The following TCN2 variants were observed in gnomAD, a reference collection of about 807,000 sequenced individuals.
TCN2 encodes transcobalamin-2.
In TCN2, 34 loss-of-function variants were observed where a neutral mutation model predicts 48.6. The ratio of observed to expected loss-of-function variants is 0.70; its 90% CI spans 0.53 to 0.93. TCN2 has a LOEUF of 0.93. TCN2 is among the 40% of genes least tolerant of loss of function. The pLI is 0.00. For missense variants in TCN2, 652 were observed against 526.1 expected (o/e 1.24, Z -2.34); for synonymous variants, 283 against 212.5 (o/e 1.33, Z -2.89).
At position 30,615,428 on chromosome 22, in the gene TCN2, C is replaced by T. The variant is rs762630641; in HGVS notation, c.708C>T (p.Pro236=). 62 of 1,614,040 alleles carry T rather than the reference C, an allele frequency of 3.8e-5. No individual in the cohort carries two copies. Among genetic ancestry groups the T allele is most frequent in the South Asian group, 7.7e-5 (7 of 91,076 alleles). The change falls in exon 5 of 9, where the codon CCC becomes CCT. Residue 236 remains proline, a synonymous_variant. Coordinates refer to ENST00000215838, the MANE Select transcript of TCN2 (RefSeq NM_000355.4). The stretch of plus-strand genomic sequence containing the variant: ...AGGAGATCTTGAAGGCCCAGACCCC[C>T]GAGGGCCACTTTGGGAATGTCTACA... ...VREEILKAQT[P]EGHFGNVYST...
chr22:30,622,827 T>C, intron 7 of TCN2, 141 bp from the exon 8 acceptor site: 1 of 808,422 alleles, frequency 1.2e-6, no homozygotes, highest in South Asian at 1.4e-5. Context: ...CACAGACCTG[T>C]GGCCAGGTGG....
rs146450057 is a variant in TCN2, at chr22:30,626,730, G to C, written c.*209G>C. ...GCAGAGAGCCAAGCATCTTCCCTGG[G>C]AAGTCTTTCTGGCCAAGTCTGGCCA... On this transcript the variant is annotated 3_prime_UTR_variant, in exon 9 of 9. Transcript: ENST00000215838. 4.9e-3 allele frequency: 3,120 copies of C among 637,962 alleles called. 15 individuals are homozygous for C. The highest frequency in any genetic ancestry group is 0.012 in the Middle Eastern group (29 of 2,348). 39.5% of individuals were successfully genotyped at this position (637,962 alleles called of 1,614,324 possible). A position where few individuals can be genotyped will look rare whatever the true frequency, so the allele number is the denominator to read the frequency against.
chr22:30,614,240 A>G (rs1479071504), intron 3 of TCN2, 109 bp from the exon 4 acceptor site: 18 of 1,430,826 alleles, frequency 1.3e-5, no homozygotes, highest in Non-Finnish European at 1.7e-5. Context: ...GAAGGATCCC[A>G]TGACCCAAAA....
intron 2 of TCN2, among the ~76,000 whole-genome samples, chr22:30,612,644 G>C (rs2087558854): frequency 6.6e-6 from 1 of 152,194 alleles, no homozygotes; most frequent in African/African-American, 2.4e-5. Context: ...AGATGATCTG[G>C]ACACAGGAGC....
At chr22:30,609,162 T>C (rs1370247003) in intron 1 of TCN2, among the ~76,000 whole-genome samples, 7 of 151,652 alleles carry the variant, frequency 4.6e-5, no homozygotes, top group South Asian at 2.1e-4. Context: ...TCTTCTTCTT[T>C]TTTTTTTTTT....
chr22:30,612,226 CAGAG>C (rs561422076), intron 2 of TCN2, among the ~76,000 whole-genome samples: 81 of 151,342 alleles, frequency 5.4e-4, no homozygotes, highest in African/African-American at 1.1e-3. Context: ...GCCTGGGAGA[CAGAG>C]AGACCCTATC....
Position 30,615,436 on chromosome 22 carries a change from A to G in TCN2, c.716A>G (p.His239Arg), listed in dbSNP as rs1338313632. The G allele has an allele frequency of 1.2e-6, 2 of 1,614,202 alleles. No individual in the cohort carries two copies. Among genetic ancestry groups the G allele is most frequent in the Admixed American group, 1.7e-5 (1 of 60,020 alleles). The change falls in exon 5 of 9, where the codon CAC (histidine) becomes CGC (arginine). Residue 239 changes from histidine to arginine, a missense_variant. Physicochemically the swap from His to Arg is conservative, Grantham distance 29. Transcript: ENST00000215838. ...TTGAAGGCCCAGACCCCCGAGGGCC[A>G]CTTTGGGAATGTCTACAGCACCCCA... ...EILKAQTPEG[H>R]FGNVYSTPLA...
At chr22:30,617,766 C>G (rs2087635384) in intron 7 of TCN2, 1 of 489,422 alleles carries the variant, frequency 2.0e-6, no homozygotes, top group African/African-American at 1.9e-5. Context: ...TAGGCACCCA[C>G]AATTCACCGA....
chr22:30,621,937 G>C (rs1443379798), intron 7 of TCN2, among the ~76,000 whole-genome samples: 2 of 152,206 alleles, frequency 1.3e-5, no homozygotes, highest in Admixed American at 6.5e-5. Context: ...GGGAAGCCCT[G>C]ATCATGCTGC....
At chr22:30,612,184 A>G (rs2087551037) in intron 2 of TCN2, among the ~76,000 whole-genome samples, 1 of 152,156 alleles carries the variant, frequency 6.6e-6, no homozygotes, top group South Asian at 2.1e-4. Flanking sequence ...AATCGAGGCT[A>G]CAGTGAGCCA....
At chr22:30,618,232 G>A (rs1485057122) in intron 7 of TCN2, among the ~76,000 whole-genome samples, 5 of 150,292 alleles carry the variant, frequency 3.3e-5, no homozygotes, top group Non-Finnish European at 5.9e-5. Context: ...TTATAGGTGC[G>A]AGCCATCATG....
intron 1 of TCN2, among the ~76,000 whole-genome samples, chr22:30,609,074 A>G (rs576823113): frequency 6.6e-6 from 1 of 152,018 alleles, no homozygotes; most frequent in East Asian, 1.9e-4. Flanking sequence ...TTAAAGCTCT[A>G]TATGTATGTT....
intron 7 of TCN2, among the ~76,000 whole-genome samples, chr22:30,620,142 AC>A (rs1252328375): frequency 2.7e-5 from 4 of 148,208 alleles, no homozygotes; most frequent in Non-Finnish European, 6.0e-5. Flanking sequence ...GGATGACAAA[AC>A]TTTTTTTTTT....
chr22:30,607,192 T>C lies in TCN2; in HGVS notation c.-140T>C, dbSNP rs901215812. 2.1e-6 allele frequency: 2 copies of C among 944,206 alleles called. No individual in the cohort carries two copies. Among genetic ancestry groups the C allele is most frequent in the Non-Finnish European group, 3.4e-6 (2 of 583,388 alleles). The allele number at this position is 944,206 out of a possible 1,614,324, so 58.5% of individuals were successfully genotyped here. On this transcript the variant is annotated 5_prime_UTR_variant, in exon 1 of 9. Transcript: ENST00000215838. ...CCCCTCTGCAGACTTAGCCGTGCAT[T>C]GCAGGCATGGAGGATTAATCAGTGA...
intron 1 of TCN2, among the ~76,000 whole-genome samples, chr22:30,609,021 G>T (rs780166749): frequency 6.6e-6 from 1 of 151,776 alleles, no homozygotes; most frequent in East Asian, 1.9e-4. Context: ...CTTCCTCCTC[G>T]GTGTAGTACA....
At position 30,626,643 on chromosome 22, in the gene TCN2, G is replaced by A; in HGVS notation, c.*122G>A. 8 of 1,117,762 alleles carry A rather than the reference G, an allele frequency of 7.2e-6. No homozygotes were observed. The highest frequency in any genetic ancestry group is 9.3e-6 in the Non-Finnish European group (7 of 751,322). The allele number at this position is 1,117,762 out of a possible 1,614,324, so 69.2% of individuals were successfully genotyped here. A position where few individuals can be genotyped will look rare whatever the true frequency, so the allele number is the denominator to read the frequency against. ...CCACCTCCTGTGCACTTTGAGCAAT[G>A]CCCCCTGGGATCACCCCAGCCACAA... is the stretch of plus-strand genomic sequence containing the variant. On this transcript the variant is annotated 3_prime_UTR_variant, in exon 9 of 9. Transcript: ENST00000215838.
At chr22:30,617,673 G>A (rs1317786846) in intron 7 of TCN2, 178 bp downstream of exon 7, 15 of 819,092 alleles carry the variant, frequency 1.8e-5, no homozygotes, top group African/African-American at 3.4e-5. Context: ...GGGAGCCATA[G>A]GCCAGCATTG....
Position 30,607,409 on chromosome 22 carries a change from C to T in TCN2, c.64+14C>T, listed in dbSNP as rs756966926. 6.8e-6 allele frequency: 11 copies of T among 1,614,008 alleles called. No individual in the cohort carries two copies. In the Admixed American group the frequency reaches 8.3e-5, roughly 12 times the overall value. ...CTGAGATGTGTGGTGAGTAACTCGC[C>T]TCTATCCTGTGCCTCTTTCCTCCTG... On this transcript the variant is annotated intron_variant, in intron 1 of 8. Transcript: ENST00000215838.
chr22:30,626,610 C>T lies in TCN2; in HGVS notation c.*89C>T, dbSNP rs1303320035. 7 of 1,436,862 alleles carry T rather than the reference C, an allele frequency of 4.9e-6. No homozygotes were observed. Among genetic ancestry groups the T allele is most frequent in the Non-Finnish European group, 6.8e-6 (7 of 1,028,170 alleles). 89.0% of individuals were successfully genotyped at this position (1,436,862 alleles called of 1,614,324 possible). ...GTCCCTGGAACAGGAACTCGCCTGA[C>T]CCTGCTGCCACCTCCTGTGCACTTT... On this transcript the variant is annotated 3_prime_UTR_variant, in exon 9 of 9. Transcript: ENST00000215838.
Sources: allele counts gnomAD v4.1 joint callset (sites outside exome capture counted in the v4.1 genomes callset), GRCh38; gene constraint gnomAD v4.1.1; transcripts MANE v1.5; gene names NCBI Gene and HGNC (gene_info 2026-07-23, HGNC 2026-07-21).